KIAA0825: variants seen among roughly 807,000 people sequenced by gnomAD.
KIAA0825 encodes uncharacterized protein KIAA0825.
In KIAA0825, 119 loss-of-function variants were observed where a neutral mutation model predicts 147.6. That is an observed-to-expected ratio of 0.81 (90% CI 0.69 to 0.94). KIAA0825 has a LOEUF of 0.94. Among genes scored for constraint, KIAA0825 ranks in the 40% least tolerant of loss-of-function variants. KIAA0825 has a pLI of 0.00. For synonymous variants in KIAA0825, 470 were observed against 518.1 expected (o/e 0.91, Z 1.26); for missense variants, 1,381 against 1,472.7 (o/e 0.94, Z 1.02).
intron 1 of KIAA0825, chr5:94,593,865 C>A: frequency 2.7e-6 from 1 of 371,968 alleles, no homozygotes; most frequent in South Asian, 2.3e-5. Context: ...TCCATTCTGG[C>A]CTCTGCTATT....
At chr5:94,525,846 G>T (rs1387385158) in intron 3 of KIAA0825, among the ~76,000 whole-genome samples, 1 of 151,984 alleles carries the variant, frequency 6.6e-6, no homozygotes, top group East Asian at 1.9e-4. Context: ...CCTTTAGAGG[G>T]CTAGATATTT....
At chr5:94,200,756 A>G (rs1046771210) in intron 20 of KIAA0825, among the ~76,000 whole-genome samples, 3 of 151,774 alleles carry the variant, frequency 2.0e-5, no homozygotes, top group African/African-American at 7.3e-5. Flanking sequence ...ACTGAAACCA[A>G]TTCACAAAGA....
chr5:94,458,353 G>T (rs926161196), intron 12 of KIAA0825, among the ~76,000 whole-genome samples: 1 of 152,138 alleles, frequency 6.6e-6, no homozygotes, highest in South Asian at 2.1e-4. Context: ...TGAATAAAAG[G>T]TATTACCAGA....
At chr5:94,369,867 C>G (rs935788581) in intron 20 of KIAA0825, among the ~76,000 whole-genome samples, 2 of 152,138 alleles carry the variant, frequency 1.3e-5, no homozygotes, top group South Asian at 4.2e-4. Flanking sequence ...GCATAAAACA[C>G]AAGAAGCCAT....
At chr5:94,597,518 T>C (rs933763629) in intron 1 of KIAA0825, among the ~76,000 whole-genome samples, 3 of 152,140 alleles carry the variant, frequency 2.0e-5, no homozygotes, top group Admixed American at 2.0e-4. Flanking sequence ...ATAAAAGTGT[T>C]TGAAAGTAAT....
In KIAA0825 at chr5:94,172,298, A is replaced by T. The variant is rs183651543; in HGVS notation, c.3711-18174T>A. ...CATGTCATACTAGCTGCTATAATAG[A>T]CTGATGGCCCCAGGGCTTAGGGTCA... is the stretch of plus-strand genomic sequence containing the variant. On this transcript the variant is annotated intron_variant, in intron 20 of 20. Transcript: ENST00000682413. 1.8e-4 allele frequency among the ~76,000 whole-genome samples: 27 copies of T among 152,282 alleles called. No individual in the cohort carries two copies. In the East Asian group the frequency reaches 5.2e-3, roughly 29 times the overall value.
chr5:94,610,184 C>A (rs969185499), intron 1 of KIAA0825, among the ~76,000 whole-genome samples: 1 of 151,846 alleles, frequency 6.6e-6, no homozygotes, highest in African/African-American at 2.4e-5. Context: ...CTTTGGGAGG[C>A]CAAGGCGAGT....
intron 20 of KIAA0825, among the ~76,000 whole-genome samples, chr5:94,383,809 G>GTGTGTC (rs1344693947): frequency 6.6e-6 from 1 of 151,772 alleles, no homozygotes; most frequent in African/African-American, 2.4e-5. Flanking sequence ...GTGTGTGTGT[G>GTGTGTC]TGTGTGTGTG....
chr5:94,617,363 C>A (rs1462343693), intron 1 of KIAA0825, among the ~76,000 whole-genome samples: 3 of 152,078 alleles, frequency 2.0e-5, no homozygotes, highest in East Asian at 1.9e-4. Context: ...ACCAACAAGG[C>A]CAGAAAATCA....
intron 20 of KIAA0825, among the ~76,000 whole-genome samples, chr5:94,322,455 A>C (rs900655278): frequency 6.6e-6 from 1 of 151,946 alleles, no homozygotes; most frequent in African/African-American, 2.4e-5. Context: ...TAAACATATA[A>C]GCTAATACTT....
chr5:94,264,929 C>T (rs1254357467), intron 20 of KIAA0825, among the ~76,000 whole-genome samples: 6 of 151,806 alleles, frequency 4.0e-5, no homozygotes, highest in East Asian at 1.9e-4. Flanking sequence ...ATTACAGGCG[C>T]GTACCACCAT....
At chr5:94,234,133 G>A (rs890140056) in intron 20 of KIAA0825, among the ~76,000 whole-genome samples, 4 of 152,152 alleles carry the variant, frequency 2.6e-5, no homozygotes, top group Non-Finnish European at 4.4e-5. Context: ...TTGGGAGGCC[G>A]AGGCGGGTGG....
At chr5:94,480,481 A>G (rs1349075076) in intron 6 of KIAA0825, among the ~76,000 whole-genome samples, 2 of 152,120 alleles carry the variant, frequency 1.3e-5, no homozygotes, top group East Asian at 3.9e-4. Flanking sequence ...TTACTTTTCT[A>G]TAGATAGCTC....
intron 5 of KIAA0825, chr5:94,519,662 A>G: frequency 3.1e-6 from 2 of 649,530 alleles, no homozygotes; most frequent in Non-Finnish European, 3.8e-6. Context: ...TAATTATAGT[A>G]TTTCATAGTT....
chr5:94,352,566 T>C (rs983125236), intron 20 of KIAA0825, among the ~76,000 whole-genome samples: 4 of 152,160 alleles, frequency 2.6e-5, no homozygotes, highest in African/African-American at 9.7e-5. Flanking sequence ...ATCCCACTAC[T>C]GTATATCTAC....
At chr5:94,200,988 T>C (rs1053588022) in intron 20 of KIAA0825, among the ~76,000 whole-genome samples, 1 of 143,136 alleles carries the variant, frequency 7.0e-6, no homozygotes, top group Admixed American at 7.0e-5. Flanking sequence ...TATATATGTA[T>C]ATCAGGACCT....
intron 3 of KIAA0825, among the ~76,000 whole-genome samples, chr5:94,530,186 G>A (rs1403879158): frequency 7.4e-6 from 1 of 135,670 alleles, no homozygotes; most frequent in Non-Finnish European, 1.5e-5. Context: ...CAGAAGAATC[G>A]CTTTAACTGG....
chr5:94,265,586 G>A (rs1320108243), intron 20 of KIAA0825, among the ~76,000 whole-genome samples: 1 of 152,090 alleles, frequency 6.6e-6, no homozygotes, highest in Non-Finnish European at 1.5e-5. Context: ...ATCACCTGAG[G>A]TCAGGAGTTT....
chr5:94,505,484 G>A (rs1261877133), intron 5 of KIAA0825, among the ~76,000 whole-genome samples: 1 of 151,722 alleles, frequency 6.6e-6, no homozygotes, highest in Admixed American at 6.6e-5. Flanking sequence ...ATAACTAAGA[G>A]CATAAAATAT....
Sources: gnomAD v4.1 joint callset for allele counts (sites outside exome capture counted in the v4.1 genomes callset) on GRCh38, gnomAD v4.1.1 for gene constraint, MANE v1.5 for transcripts, NCBI Gene and HGNC (gene_info 2026-07-23, HGNC 2026-07-21) for gene names.